Variants in GABRQ observed in about 807,000 individuals in gnomAD.
GABRQ encodes gamma-aminobutyric acid type A receptor subunit theta.
A neutral mutation model predicts 30.5 loss-of-function variants in GABRQ; 19 were observed. The observed-to-expected ratio is 0.62, with a 90% CI of 0.43 to 0.91. The LOEUF (loss-of-function observed/expected upper bound fraction) is 0.91. Among genes scored for constraint, GABRQ ranks in the 40% least tolerant of loss-of-function variants. GABRQ has a pLI of 0.00. For missense variants in GABRQ, 520 were observed against 521.4 expected (o/e 1.00, Z 0.03); for synonymous variants, 187 against 210.2 (o/e 0.89, Z 0.95).
intron 8 of GABRQ, among the ~76,000 whole-genome samples, chrX:152,652,305 C>T (rs1931041987): frequency 8.8e-6 from 1 of 113,148 alleles, no homozygotes; most frequent in Admixed American, 9.2e-5. Flanking sequence ...CAGCTGCCTC[C>T]AGCGAGACAC....
intron 2 of GABRQ, among the ~76,000 whole-genome samples, chrX:152,643,915 ACT>A (rs1474143774): frequency 2.7e-5 from 3 of 111,624 alleles, no homozygotes; most frequent in Non-Finnish European, 5.6e-5. Flanking sequence ...GTTCACTCAA[ACT>A]CAAACATGCT....
intron 8 of GABRQ, among the ~76,000 whole-genome samples, 185 bp downstream of exon 8, chrX:152,651,967 A>G (rs1931035229): frequency 8.8e-6 from 1 of 113,184 alleles, no homozygotes; most frequent in Non-Finnish European, 1.9e-5. Flanking sequence ...TCCTTTATAG[A>G]TGATCATTGT....
Position 152,638,101 on chromosome X carries a change from C to G in GABRQ, c.-102C>G. The G allele has an allele frequency of 1.3e-6, 1 of 745,780 alleles. No individual in the cohort carries two copies. The highest frequency in any genetic ancestry group is 1.9e-6 in the Non-Finnish European group (1 of 515,600). The allele number at this position is 745,780 out of a possible 1,213,427, so 61.5% of individuals were successfully genotyped here. ...ACTCTTTGGGGAAGGGCCAGCAATC[C>G]CGCCTTCCCCGGCCCCAGTAGTCAC... On this transcript the variant is annotated 5_prime_UTR_variant, in exon 1 of 9. Transcript: ENST00000598523.
rs782120505 is a variant in GABRQ, at chrX:152,638,299, C to T, written c.97C>T (p.His33Tyr). 3 of 1,211,329 alleles carry T rather than the reference C, an allele frequency of 2.5e-6. No individual in the cohort carries two copies. In the South Asian group the frequency reaches 5.3e-5, roughly 21 times the overall value. ...CTACCCCAGTCCCATCCCGAAATTC[C>T]ACTTCGAGTTCTCCTCTGCTGTGCC... Reference protein sequence around the residue: ...GNYPSPIPKFHFEFSSAVPEV... With the variant: ...GNYPSPIPKFYFEFSSAVPEV... The change falls in exon 1 of 9, where the codon CAC (histidine) becomes TAC (tyrosine). Residue 33 changes from histidine (H) to tyrosine (Y), a missense_variant. His to Tyr is a moderately conservative substitution (Grantham distance 83, BLOSUM62 2). Transcript: ENST00000598523.
chrX:152,658,127 C>A (rs1044277637), downstream of GABRQ, among the ~76,000 whole-genome samples: 1 of 111,675 alleles, frequency 9.0e-6, no homozygotes, highest in Non-Finnish European at 1.9e-5. Context: ...GACCCCAGCT[C>A]TCCACGCACC....
rs1429433713 is a variant in GABRQ at position 152,640,437 on chromosome X, A to C, written c.209A>C (p.Tyr70Ser). The stretch of plus-strand genomic sequence containing the variant: ...ATTTTGGACAGGGTGCTGTCAAGAT[A>C]CGATGTCCGCCTGAGACCGAATTTT... ...QKILDRVLSR[Y>S]DVRLRPNFGG... Residue 70 changes from tyrosine (Y) to serine (S), a missense_variant, in exon 2 of 9, where the codon TAC (tyrosine) becomes TCC (serine). By Grantham distance (144) the Tyr-to-Ser change is moderately radical. Transcript: ENST00000598523. 1 of 1,192,114 alleles carries C rather than the reference A, an allele frequency of 8.4e-7. No homozygotes were observed. The highest frequency in any genetic ancestry group is 1.1e-6 in the Non-Finnish European group (1 of 878,792).
chrX:152,644,764 A>G (rs967105008), intron 2 of GABRQ, among the ~76,000 whole-genome samples: 12 of 111,993 alleles, frequency 1.1e-4, no homozygotes, highest in African/African-American at 3.9e-4. Context: ...GTTCAGTCCC[A>G]CAAAACCACA....
Position 152,640,084 on chromosome X carries a change from G to A in GABRQ, c.150-294G>A, listed in dbSNP as rs782719483. 4.5e-5 allele frequency among the ~76,000 whole-genome samples: 5 copies of A among 110,653 alleles called. No individual in the cohort carries two copies. The East Asian group carries it at 8.6e-4, about 19-fold the overall frequency. ...CTTCTTCGTCTCCCCTTCTCCTACCGCCTCCTCTCGTCAACCCCTACAAGT... is the reference window on the plus strand; with the variant it reads ...CTTCTTCGTCTCCCCTTCTCCTACCACCTCCTCTCGTCAACCCCTACAAGT... On this transcript the variant is annotated intron_variant, in intron 1 of 8. Transcript: ENST00000598523.
At chrX:152,643,537 T>C (rs1556818701) in intron 2 of GABRQ, among the ~76,000 whole-genome samples, 1 of 112,219 alleles carries the variant, frequency 8.9e-6, no homozygotes, top group Non-Finnish European at 1.9e-5. Context: ...AGCTTTGAGA[T>C]GAGGAGCGAA....
chrX:152,650,501 G>A lies in GABRQ; in HGVS notation c.822G>A (p.Trp274Ter), dbSNP rs782249015. ...EVNSYLVQVY[W>*]PTVLTTITSW... The stretch of plus-strand genomic sequence containing the variant: ...ACAGCTACCTTGTGCAAGTCTACTG[G>A]CCTACTGTCCTCACCACTATTACCT... The change falls in exon 7 of 9, where the codon TGG (tryptophan) becomes TGA (stop). Residue 274 changes from tryptophan (W) to a stop codon, truncating the protein, a stop_gained. Coordinates refer to ENST00000598523, the MANE Select transcript of GABRQ (RefSeq NM_018558.4). LOFTEE classifies it high-confidence loss of function. 1 of 1,198,005 alleles carries A rather than the reference G, an allele frequency of 8.3e-7. No homozygotes were observed. Among genetic ancestry groups the A allele is most frequent in the Admixed American group, 2.2e-5 (1 of 45,972 alleles).
At position 152,647,067 on chromosome X, in the gene GABRQ, C is replaced by T; in HGVS notation, c.426C>T (p.Asp142=). Residue 142 remains aspartate (D), a synonymous_variant, in exon 4 of 9, where the codon GAC becomes GAT. Transcript: ENST00000598523. ...TGCATGAGAAGTTGTGGGTCCCTGACTGCTACTTTCTGAACAGCAAGGATG... is the reference window on the plus strand; with the variant it reads ...TGCATGAGAAGTTGTGGGTCCCTGATTGCTACTTTCTGAACAGCAAGGATG... ...YRMHEKLWVP[D]CYFLNSKDAF... is the part of the protein sequence containing the mutation. 3 of 1,208,067 alleles carry T rather than the reference C, an allele frequency of 2.5e-6. No homozygotes were observed. The highest frequency in any genetic ancestry group is 1.8e-5 in the South Asian group (1 of 56,875).
chrX:152,653,299 A>T lies in GABRQ; in HGVS notation c.*18A>T, dbSNP rs782491674. ...TGTATTAGTCCCCCAGTGCTCCAGA[A>T]CAGCGGGAGCACTGTGCTGTGCTCC... On this transcript the variant is annotated 3_prime_UTR_variant, in exon 9 of 9. Transcript: ENST00000598523. The T allele has an allele frequency of 1.4e-5, 16 of 1,128,946 alleles. No individual in the cohort carries two copies. The South Asian group carries it at 3.1e-4, about 22-fold the overall frequency. 93.0% of individuals were successfully genotyped at this position (1,128,946 alleles called of 1,213,427 possible).
rs1931050891 is a variant in GABRQ, at chrX:152,652,603, C to G, written c.1221C>G (p.Pro407=). 8 of 1,210,558 alleles carry G rather than the reference C, an allele frequency of 6.6e-6. No individual in the cohort carries two copies. The highest frequency in any genetic ancestry group is 1.8e-5 in the South Asian group (1 of 56,941). Reference sequence around the variant, plus strand: ...TCCCCATCACCCCAGCGCAGGCCCCCCTGGCAAGCCCGGAAAGCCTCGGTT... The same window carrying G: ...TCCCCATCACCCCAGCGCAGGCCCCGCTGGCAAGCCCGGAAAGCCTCGGTT... ...SSLPITPAQA[P]LASPESLGSL... The change falls in exon 9 of 9, where the codon CCC becomes CCG. Residue 407 remains proline (P), a synonymous_variant. Coordinates refer to ENST00000598523, the MANE Select transcript of GABRQ (RefSeq NM_018558.4).
At chrX:152,651,367 G>A (rs782428006) in intron 7 of GABRQ, among the ~76,000 whole-genome samples, 159 bp from the exon 8 acceptor site, 3 of 112,076 alleles carry the variant, frequency 2.7e-5, no homozygotes, top group Middle Eastern at 4.2e-3. Flanking sequence ...CCAGTGAAGC[G>A]TGGGCTGAGT....
intron 1 of GABRQ, among the ~76,000 whole-genome samples, chrX:152,639,954 G>A (rs1704733427): frequency 8.9e-6 from 1 of 112,014 alleles, no homozygotes; most frequent in South Asian, 3.8e-4. Context: ...CCCCTGGCAG[G>A]AGGACCCCCA....
At chrX:152,641,361 G>A (rs903725173) in intron 2 of GABRQ, among the ~76,000 whole-genome samples, 1 of 112,946 alleles carries the variant, frequency 8.9e-6, no homozygotes, top group African/African-American at 3.2e-5. Flanking sequence ...CCAGCTCAAA[G>A]GAAGCTCCCA....
Position 152,645,512 on chromosome X carries a change from C to T in GABRQ, c.239-15C>T, listed in dbSNP as rs781839250. On this transcript the variant is annotated splice_polypyrimidine_tract_variant and intron_variant, in intron 2 of 8. Coordinates refer to ENST00000598523, the MANE Select transcript of GABRQ (RefSeq NM_018558.4). ...TATTCTACCTTTCGTGTAACTGTGT[C>T]TTTCTGTCTTCTAGGTGCCCCTGTG... 1.9e-6 allele frequency: 2 copies of T among 1,040,231 alleles called. No individual in the cohort carries two copies. 85.7% of individuals were successfully genotyped at this position (1,040,231 alleles called of 1,213,427 possible). A position where few individuals can be genotyped will look rare whatever the true frequency, so the allele number is the denominator to read the frequency against.
chrX:152,647,220 T>C (rs781878653), intron 4 of GABRQ, 52 bp downstream of exon 4: 16 of 910,450 alleles, frequency 1.8e-5, no homozygotes, highest in Non-Finnish European at 2.4e-5. Flanking sequence ...TTCTTCCTAC[T>C]GAATATTCTA....
rs1446339088 is a variant in GABRQ at position 152,651,882 on chromosome X, G to GC, written c.1158+101dup. ...GCATTTCTTAGCTTTTTAAATACGC[G>GC]CACCCACACATGCGCGCACACGCAA... On this transcript the variant is annotated intron_variant, in intron 8 of 8. Coordinates refer to ENST00000598523, the MANE Select transcript of GABRQ (RefSeq NM_018558.4). The GC allele has an allele frequency of 1.8e-5, 14 of 796,298 alleles. No homozygotes were observed. In the African/African-American group the frequency reaches 2.9e-4, roughly 16 times the overall value. 65.6% of individuals were successfully genotyped at this position (796,298 alleles called of 1,213,427 possible).
Sources: gnomAD v4.1 joint callset for allele counts (sites outside exome capture counted in the v4.1 genomes callset) on GRCh38, gnomAD v4.1.1 for gene constraint, MANE v1.5 for transcripts, NCBI Gene and HGNC (gene_info 2026-07-23, HGNC 2026-07-21) for gene names.